Variants in SLC6A20 observed in about 807,000 individuals in gnomAD.
The protein encoded by SLC6A20 is sodium- and chloride-dependent transporter XTRP3.
A neutral mutation model predicts 64.3 loss-of-function variants in SLC6A20; 73 were observed. The observed-to-expected ratio is 1.14, with a 90% CI of 0.94 to 1.38. The LOEUF is 1.38. SLC6A20 is among the 40% of genes most tolerant of loss of function. The pLI is 0.00. For synonymous variants in SLC6A20, 347 were observed against 329.6 expected (o/e 1.05, Z -0.57); for missense variants, 725 against 772.8 (o/e 0.94, Z 0.73).
At chr3:45,777,388 G>C (rs7650511) in intron 3 of SLC6A20, among the ~76,000 whole-genome samples, 25,918 of 152,046 alleles carry the variant, frequency 0.17, 2,623 homozygotes, top group African/African-American at 0.26. Flanking sequence ...GACCCATATC[G>C]TGTTCAAAGC....
chr3:45,785,049 A>G (rs1453622572), intron 1 of SLC6A20, among the ~76,000 whole-genome samples: 1 of 152,222 alleles, frequency 6.6e-6, no homozygotes, highest in East Asian at 1.9e-4. Context: ...ACCCTATTGC[A>G]TTGGAAACTA....
In SLC6A20 at chr3:45,775,818, G is replaced by C; in HGVS notation, c.525C>G (p.Leu175=). The change falls in exon 4 of 11, where the codon CTC becomes CTG. Residue 175 remains leucine, a synonymous_variant. Coordinates refer to ENST00000358525, the MANE Select transcript of SLC6A20 (RefSeq NM_020208.4). ...GVQWEPALCL[L]LAWLVVYLCI... ...ACAGGTACACCACCAGCCAGGCCAG[G>C]AGGAGGCACAGCGCCGGCTCCCACT... The C allele has an allele frequency of 1.2e-6, 2 of 1,614,074 alleles. No homozygotes were observed. Among genetic ancestry groups the C allele is most frequent in the Non-Finnish European group, 1.7e-6 (2 of 1,179,996 alleles).
chr3:45,755,935 T>C lies in SLC6A20; in HGVS notation c.*3043A>G, dbSNP rs565316110. On this transcript the variant is annotated 3_prime_UTR_variant, in exon 11 of 11. Transcript: ENST00000358525. ...TCAAAAATGCCTTCAAATTTTTAAG[T>C]CATTTTATAAAATGTAAATACTCCT... 7 of 152,442 alleles carry C rather than the reference T, an allele frequency of 4.6e-5. No individual in the cohort carries two copies. Among genetic ancestry groups the C allele is most frequent in the African/African-American group, 1.7e-4 (7 of 41,584 alleles). 9.4% of individuals were successfully genotyped at this position (152,442 alleles called of 1,614,324 possible). A position where few individuals can be genotyped will look rare whatever the true frequency, so the allele number is the denominator to read the frequency against.
Position 45,759,896 on chromosome 3 carries a change from G to T in SLC6A20, c.1590C>A (p.Leu530=). ...AGGCTTGATACTTCAGGGTCCCCGT[G>T]AGGATGTAGTCGCTCAGGTAGAAGA... ...LFVFYLSDYI[L]TGTLKYQAWD... The change falls in exon 10 of 11, where the codon CTC becomes CTA. Residue 530 remains leucine (L), a synonymous_variant. Coordinates refer to ENST00000358525, the MANE Select transcript of SLC6A20 (RefSeq NM_020208.4). The T allele has an allele frequency of 6.2e-7, 1 of 1,614,168 alleles. No homozygotes were observed.
intron 4 of SLC6A20, among the ~76,000 whole-genome samples, chr3:45,775,054 C>T (rs1397361762): frequency 2.0e-5 from 3 of 152,082 alleles, no homozygotes; most frequent in African/African-American, 7.2e-5. Context: ...AGGCAGGTGG[C>T]GGGTGATGGG....
chr3:45,764,291 G>A (rs541889108), intron 8 of SLC6A20, among the ~76,000 whole-genome samples: 1 of 152,334 alleles, frequency 6.6e-6, no homozygotes, highest in South Asian at 2.1e-4. Context: ...TATTGTATAG[G>A]CACAAAAAGG....
intron 2 of SLC6A20, among the ~76,000 whole-genome samples, chr3:45,780,704 AGCAGGGCTCTGGG>A (rs562503436): frequency 9.5e-4 from 141 of 147,992 alleles, no homozygotes; most frequent in Middle Eastern, 7.0e-3. Flanking sequence ...GGTGGGAGGC[AGCAGGGCTCTGGG>A]GCTGGCCCAC....
At chr3:45,791,251 G>T (rs1246379243) in intron 1 of SLC6A20, among the ~76,000 whole-genome samples, 2 of 152,196 alleles carry the variant, frequency 1.3e-5, no homozygotes, top group Non-Finnish European at 2.9e-5. Context: ...TGCCTAGAAG[G>T]TTTATATTAT....
chr3:45,759,799 C>A, intron 10 of SLC6A20, 58 bp downstream of exon 10: 1 of 1,549,782 alleles, frequency 6.5e-7, no homozygotes, highest in South Asian at 1.2e-5. Flanking sequence ...AAATGAATGG[C>A]CCATGCTTTT....
At chr3:45,794,450 C>G (rs910123940) in intron 1 of SLC6A20, among the ~76,000 whole-genome samples, 1 of 152,178 alleles carries the variant, frequency 6.6e-6, no homozygotes, top group Non-Finnish European at 1.5e-5. Flanking sequence ...CATGCATACA[C>G]CCAGCCACCA....
chr3:45,796,486 C>T lies in SLC6A20; in HGVS notation c.-67G>A. 3 of 1,500,470 alleles carry T rather than the reference C, an allele frequency of 2.0e-6. No individual in the cohort carries two copies. Among genetic ancestry groups the T allele is most frequent in the Non-Finnish European group, 2.7e-6 (3 of 1,121,114 alleles). 92.9% of individuals were successfully genotyped at this position (1,500,470 alleles called of 1,614,324 possible). On this transcript the variant is annotated 5_prime_UTR_variant, in exon 1 of 11. Coordinates refer to ENST00000358525, the MANE Select transcript of SLC6A20 (RefSeq NM_020208.4). ...GCACGGCAGTCTCAGTGCGCGGTCGCCAGGCGCGCCGTCCCACCCCGGCTC... is the reference window on the plus strand; with the variant it reads ...GCACGGCAGTCTCAGTGCGCGGTCGTCAGGCGCGCCGTCCCACCCCGGCTC...
At chr3:45,791,570 A>G (rs919684265) in intron 1 of SLC6A20, 7 of 152,394 alleles carry the variant, frequency 4.6e-5, no homozygotes, top group Admixed American at 1.3e-4. Flanking sequence ...CTGTTCTCAC[A>G]CTGCTGTAAA....
intron 5 of SLC6A20, 79 bp from the exon 6 acceptor site, chr3:45,771,537 C>G: frequency 6.3e-7 from 1 of 1,583,978 alleles, no homozygotes; most frequent in Admixed American, 1.7e-5. Context: ...GAGAGTAGCC[C>G]AGAGAGGGGA....
chr3:45,794,142 C>T (rs1047270951), intron 1 of SLC6A20, among the ~76,000 whole-genome samples: 2 of 152,164 alleles, frequency 1.3e-5, no homozygotes, highest in African/African-American at 4.8e-5. Flanking sequence ...TATTTGGTCC[C>T]ACCTGGAGGG....
chr3:45,784,689 G>T (rs1700144665), intron 1 of SLC6A20, among the ~76,000 whole-genome samples: 1 of 152,136 alleles, frequency 6.6e-6, no homozygotes, highest in African/African-American at 2.4e-5. Flanking sequence ...ATGTGAACAG[G>T]CATTTCACCA....
intron 3 of SLC6A20, among the ~76,000 whole-genome samples, chr3:45,778,957 G>T (rs1700022812): frequency 6.6e-6 from 1 of 152,230 alleles, no homozygotes; most frequent in African/African-American, 2.4e-5. Context: ...TCATTGGGAA[G>T]CCAGAGTGGG....
rs752062521 is a variant in SLC6A20, at chr3:45,759,941, C to T, written c.1545G>A (p.Leu515=). Residue 515 remains leucine, a synonymous_variant, in exon 10 of 11, where the codon CTG becomes CTA. Transcript: ENST00000358525. ...AGAAGACAAAGAGGCTGACAATCAG[C>T]AGTGGGCTTACGCCAGCCCACATCA... ...WKVMWAGVSP[L]LIVSLFVFYL... 3 of 1,614,092 alleles carry T rather than the reference C, an allele frequency of 1.9e-6. No individual in the cohort carries two copies. The highest frequency in any genetic ancestry group is 2.2e-5 in the East Asian group (1 of 44,886).
In SLC6A20 at chr3:45,771,295, G is replaced by A; in HGVS notation, c.857C>T (p.Thr286Ile). Residue 286 changes from threonine to isoleucine, a missense_variant, in exon 6 of 11, where the codon ACC (threonine) becomes ATC (isoleucine). Physicochemically the swap from Thr to Ile is moderately conservative, Grantham distance 89. Coordinates refer to ENST00000358525, the MANE Select transcript of SLC6A20 (RefSeq NM_020208.4). ...AIIVSLINSF[T>I]SIFASIVTFS... ...GGTGACAATGCTGGCAAATATGGAG[G>A]TGAAGCTGTTGATGAGGGACACGAT... 1 of 1,614,256 alleles carries A rather than the reference G, an allele frequency of 6.2e-7. No homozygotes were observed. The highest frequency in any genetic ancestry group is 8.5e-7 in the Non-Finnish European group (1 of 1,180,056).
Position 45,755,500 on chromosome 3 carries a change from A to G in SLC6A20, c.*3478T>C, listed in dbSNP as rs1699524380. ...TTTACTATGACAATTGCTAAAAAAC[A>G]AATATTTCCCTACTCAATTTCTTGG... On this transcript the variant is annotated 3_prime_UTR_variant, in exon 11 of 11. Transcript: ENST00000358525. 6.6e-6 allele frequency: 1 copy of G among 152,476 alleles called. No homozygotes were observed. Among genetic ancestry groups the G allele is most frequent in the African/African-American group, 2.4e-5 (1 of 41,462 alleles). The allele number at this position is 152,476 out of a possible 1,614,324, so 9.4% of individuals were successfully genotyped here.
Sources: allele counts gnomAD v4.1 joint callset (sites outside exome capture counted in the v4.1 genomes callset), GRCh38; gene constraint gnomAD v4.1.1; transcripts MANE v1.5; gene names NCBI Gene and HGNC (gene_info 2026-07-23, HGNC 2026-07-21).